SPAG16: variants seen among roughly 807,000 people sequenced by gnomAD.
SPAG16 encodes the protein sperm associated antigen 16, also known as sperm-associated antigen 16 protein.
SPAG16 carries 86 observed loss-of-function variants against 80.4 expected under a neutral mutation model. The observed-to-expected ratio is 1.07, with a 90% CI of 0.90 to 1.28. The LOEUF is 1.28. SPAG16 is among the 50% of genes most tolerant of loss of function. SPAG16 has a pLI of 0.00. For missense variants in SPAG16, 870 were observed against 765.3 expected (o/e 1.14, Z -1.61); for synonymous variants, 294 against 265.9 (o/e 1.11, Z -1.03).
At chr2:213,536,318 T>G (rs1356784944) in intron 10 of SPAG16, among the ~76,000 whole-genome samples, 1 of 152,134 alleles carries the variant, frequency 6.6e-6, no homozygotes, top group Non-Finnish European at 1.5e-5. Context: ...TAAAAATCAC[T>G]GAGGGTAGAT....
chr2:213,928,706 C>T (rs2078605988), intron 11 of SPAG16, among the ~76,000 whole-genome samples: 1 of 152,174 alleles, frequency 6.6e-6, no homozygotes, highest in South Asian at 2.1e-4. Flanking sequence ...ATTGGTCAGT[C>T]ATGAGGCTTG....
chr2:213,878,355 T>A (rs1397534027), intron 11 of SPAG16, among the ~76,000 whole-genome samples: 2 of 152,166 alleles, frequency 1.3e-5, no homozygotes, highest in African/African-American at 4.8e-5. Context: ...TTTTGACTTT[T>A]AAATAACAGA....
At chr2:213,703,497 A>G (rs1464090121) in intron 10 of SPAG16, among the ~76,000 whole-genome samples, 1 of 152,214 alleles carries the variant, frequency 6.6e-6, no homozygotes, top group Non-Finnish European at 1.5e-5. Context: ...CAGATTCCTC[A>G]ATTCCATATG....
At chr2:213,693,709 AAG>A (rs1323886466) in intron 10 of SPAG16, among the ~76,000 whole-genome samples, 5 of 152,208 alleles carry the variant, frequency 3.3e-5, no homozygotes, top group Non-Finnish European at 5.9e-5. Flanking sequence ...GCTTTACATG[AAG>A]AGAGACTTAA....
chr2:214,374,924 A>G (rs1272790525), intron 15 of SPAG16, among the ~76,000 whole-genome samples: 1 of 152,170 alleles, frequency 6.6e-6, no homozygotes, highest in Admixed American at 6.6e-5. Flanking sequence ...GGTCTGCATG[A>G]TTCAATATCC....
At chr2:214,362,306 T>C (rs561709544) in intron 15 of SPAG16, among the ~76,000 whole-genome samples, 1 of 152,024 alleles carries the variant, frequency 6.6e-6, no homozygotes, top group East Asian at 1.9e-4. Flanking sequence ...TGTACACTTC[T>C]TCCACATTGA....
intron 10 of SPAG16, among the ~76,000 whole-genome samples, chr2:213,744,812 A>C (rs749798575): frequency 5.5e-4 from 84 of 152,228 alleles, no homozygotes; most frequent in Non-Finnish European, 7.9e-4. Context: ...AATACCATAC[A>C]TATAAGGTGC....
chr2:214,014,176 A>G, intron 13 of SPAG16, 99 bp downstream of exon 13: 1 of 1,404,490 alleles, frequency 7.1e-7, no homozygotes, highest in Non-Finnish European at 9.6e-7. Flanking sequence ...TGATTGTGCA[A>G]GGGCATTCAG....
intron 12 of SPAG16, among the ~76,000 whole-genome samples, chr2:214,003,000 C>T (rs2046863959): frequency 6.6e-6 from 1 of 152,136 alleles, no homozygotes; most frequent in Non-Finnish European, 1.5e-5. Context: ...TGCAAGCCCA[C>T]TCTCAGAATA....
chr2:214,277,104 C>G (rs1287665443), intron 15 of SPAG16, among the ~76,000 whole-genome samples: 2 of 152,020 alleles, frequency 1.3e-5, no homozygotes, highest in African/African-American at 2.4e-5. Context: ...GTGCATGTGT[C>G]ACGTAGTTCT....
chr2:213,678,810 A>C (rs988422971), intron 10 of SPAG16, among the ~76,000 whole-genome samples: 1 of 152,148 alleles, frequency 6.6e-6, no homozygotes. Context: ...TTTCAGCTTT[A>C]CCTTACCAGA....
rs148157345 is a variant in SPAG16, at chr2:214,025,502, A to G, written c.1527+11425A>G. On this transcript the variant is annotated intron_variant, in intron 13 of 15. Transcript: ENST00000331683. The stretch of plus-strand genomic sequence containing the variant: ...TGATGGCTTGGCTGTACTTCAAGAT[A>G]GTCTTAACTTCAAATTCACTGTAGT... Among the ~76,000 whole-genome samples the G allele has an allele frequency of 3.8e-3, 579 of 151,788 alleles. 4 individuals carry two copies. Among genetic ancestry groups the G allele is most frequent in the Middle Eastern group, 0.017 (5 of 294 alleles).
At chr2:214,108,169 G>C in intron 13 of SPAG16, 27 bp from the exon 14 acceptor site, 1 of 1,517,410 alleles carries the variant, frequency 6.6e-7, no homozygotes, top group Non-Finnish European at 8.9e-7. Context: ...AAATTTATTT[G>C]ACTCTGTTTC....
At chr2:213,552,045 T>TATCAGTTG (rs2076794650) in intron 10 of SPAG16, among the ~76,000 whole-genome samples, 2 of 152,276 alleles carry the variant, frequency 1.3e-5, no homozygotes, top group African/African-American at 2.4e-5. Context: ...TTGGTCTTCA[T>TATCAGTTG]ATCAGTTGTT....
At chr2:213,536,815 A>G (rs1276127382) in intron 10 of SPAG16, among the ~76,000 whole-genome samples, 1 of 152,144 alleles carries the variant, frequency 6.6e-6, no homozygotes, top group Non-Finnish European at 1.5e-5. Context: ...ATTACTGGGT[A>G]TATACCCAAA....
chr2:213,690,158 T>C (rs12467990), intron 10 of SPAG16, among the ~76,000 whole-genome samples: 2,132 of 152,316 alleles, frequency 0.014, 38 homozygotes, highest in Admixed American at 0.04. Flanking sequence ...AAATGCCCTT[T>C]CTTCAGATAT....
chr2:213,387,429 CTCTTTTTTTTTTTTTTTTTT>C (rs1381255003), intron 9 of SPAG16, among the ~76,000 whole-genome samples: 1 of 71,760 alleles, frequency 1.4e-5, no homozygotes, highest in African/African-American at 5.9e-5. Flanking sequence ...GAAATGCATG[CTCTTTTTTTTTTTTTTTTTT>C]TTTTTTTTTT....
chr2:214,381,010 T>G (rs960499461), intron 15 of SPAG16, among the ~76,000 whole-genome samples: 2 of 152,236 alleles, frequency 1.3e-5, no homozygotes, highest in African/African-American at 4.8e-5. Context: ...TTCTTGGTCC[T>G]GCTGCATGTA....
intron 12 of SPAG16, among the ~76,000 whole-genome samples, chr2:213,954,551 G>A (rs1327298608): frequency 6.6e-6 from 1 of 151,924 alleles, no homozygotes; most frequent in East Asian, 1.9e-4. Flanking sequence ...AGAATGTGCA[G>A]GTTTGTTACA....
Sources: allele counts gnomAD v4.1 joint callset (sites outside exome capture counted in the v4.1 genomes callset), GRCh38; gene constraint gnomAD v4.1.1; transcripts MANE v1.5; gene names NCBI Gene and HGNC (gene_info 2026-07-23, HGNC 2026-07-21).